Variants in ANKHD1 observed in about 807,000 individuals in gnomAD.
The protein encoded by ANKHD1 is ankyrin repeat and KH domain-containing protein 1.
ANKHD1 carries 31 observed loss-of-function variants against 230.5 expected under a neutral mutation model. That is an observed-to-expected ratio of 0.13 (90% confidence interval 0.10 to 0.18). The LOEUF (loss-of-function observed/expected upper bound fraction) is 0.18, where lower values mean the gene tolerates loss of function less well. Ranked by LOEUF, ANKHD1 falls within the 10% of genes least tolerant of loss-of-function variation. The pLI is 1.00. For synonymous variants in ANKHD1, 1,074 were observed against 1,117.6 expected, an observed-to-expected ratio of 0.96 and a Z score of 0.78; for missense variants, 2,256 against 3,071.3, an observed-to-expected ratio of 0.73 and a Z score of 6.27.
At chr5:140,470,967 AC>A (rs1204451190) in intron 10 of ANKHD1, among the ~76,000 whole-genome samples, 2 of 151,840 alleles carry the variant, frequency 1.3e-5, no homozygotes, top group Admixed American at 6.6e-5. Context: ...CTTCACTGTT[AC>A]TGCTCCCTTA....
Position 140,539,489 on chromosome 5 carries a change from T to G in ANKHD1, c.*71T>G. ...CTTGGAAGAACCATGGGGATTTTTT[T>G]TTAATGTGCCTAAGAAATTTTCTCT... is the stretch of plus-strand genomic sequence containing the variant. On this transcript the variant is annotated 3_prime_UTR_variant, in exon 34 of 34. Coordinates refer to ENST00000360839, the MANE Select transcript of ANKHD1 (RefSeq NM_017747.3). 6.6e-7 allele frequency: 1 copy of G among 1,520,778 alleles called. No homozygotes were observed. The highest frequency in any genetic ancestry group is 2.1e-5 in the Admixed American group (1 of 46,974). 94.2% of individuals were successfully genotyped at this position (1,520,778 alleles called of 1,614,324 possible). A position where few individuals can be genotyped will look rare whatever the true frequency, so the allele number is the denominator to read the frequency against.
intron 8 of ANKHD1, 31 bp from the exon 9 acceptor site, chr5:140,459,133 A>C: frequency 3.4e-6 from 5 of 1,477,340 alleles, no homozygotes; most frequent in Non-Finnish European, 4.5e-6. Context: ...GTCTCTTGCA[A>C]CTAATTTTAT....
chr5:140,455,467 A>G (rs962557084), intron 7 of ANKHD1, among the ~76,000 whole-genome samples: 2 of 152,234 alleles, frequency 1.3e-5, no homozygotes, highest in Admixed American at 6.5e-5. Flanking sequence ...AATCCTCAAT[A>G]AAATACTGGC....
intron 1 of ANKHD1, among the ~76,000 whole-genome samples, chr5:140,426,500 TTTTA>T (rs3084523): frequency 6.7e-4 from 102 of 151,796 alleles, no homozygotes; most frequent in East Asian, 5.8e-3. Context: ...CCTTGAACTT[TTTTA>T]TTTATTTATT....
At chr5:140,427,538 C>T (rs1374714160) in intron 1 of ANKHD1, among the ~76,000 whole-genome samples, 6 of 137,188 alleles carry the variant, frequency 4.4e-5, no homozygotes, top group South Asian at 2.3e-4. Flanking sequence ...GGCGGCTGGC[C>T]GGGCGGGGGG....
intron 7 of ANKHD1, among the ~76,000 whole-genome samples, chr5:140,454,121 T>G (rs1774968703): frequency 6.6e-6 from 1 of 152,110 alleles, no homozygotes; most frequent in Admixed American, 6.6e-5. Flanking sequence ...ACAAGGCCAT[T>G]ACATAATGGT....
chr5:140,458,911 T>C, intron 8 of ANKHD1, 49 bp downstream of exon 8: 1 of 1,493,234 alleles, frequency 6.7e-7, no homozygotes, highest in South Asian at 1.2e-5. Flanking sequence ...TTTGGATGTT[T>C]TGTGTTAGTA....
rs763427198 is a variant in ANKHD1, at chr5:140,505,175, A to G, written c.3204A>G (p.Glu1068=). 1 of 1,614,180 alleles carries G rather than the reference A, an allele frequency of 6.2e-7. No individual in the cohort carries two copies. Among genetic ancestry groups the G allele is most frequent in the Admixed American group, 1.7e-5 (1 of 60,022 alleles). The change falls in exon 17 of 34, where the codon GAA becomes GAG. Residue 1068 remains glutamate (E), a synonymous_variant. Transcript: ENST00000360839. The part of the protein sequence containing the change: ...ALTLACAGGH[E]ELVSVLIARD... ...CACTAGCTTGTGCAGGTGGTCATGA[A>G]GAACTTGTATCTGTGCTCATTGCAC...
intron 20 of ANKHD1, 119 bp from the exon 21 acceptor site, chr5:140,509,518 A>C: frequency 1.6e-6 from 2 of 1,233,592 alleles, no homozygotes; most frequent in Non-Finnish European, 2.1e-6. Context: ...TCAGAACTAG[A>C]ATTGTCTTAA....
intron 7 of ANKHD1, among the ~76,000 whole-genome samples, chr5:140,456,405 C>G (rs533028788): frequency 6.6e-6 from 1 of 152,306 alleles, no homozygotes; most frequent in South Asian, 2.1e-4. Context: ...ATTGCCAAGA[C>G]AATCCTAAGC....
chr5:140,410,563 A>G (rs1227984000), intron 1 of ANKHD1, among the ~76,000 whole-genome samples: 2 of 152,162 alleles, frequency 1.3e-5, no homozygotes, highest in Non-Finnish European at 2.9e-5. Flanking sequence ...TTTTTGGCCA[A>G]ATTTACTTTC....
chr5:140,499,904 A>G (rs1234611205), intron 15 of ANKHD1, among the ~76,000 whole-genome samples: 2 of 150,152 alleles, frequency 1.3e-5, no homozygotes, highest in Non-Finnish European at 3.0e-5. Context: ...AGTCTCACTC[A>G]GTCATCCGGG....
chr5:140,463,608 T>G (rs1287361511), intron 9 of ANKHD1, among the ~76,000 whole-genome samples: 2 of 152,132 alleles, frequency 1.3e-5, no homozygotes, highest in African/African-American at 4.8e-5. Flanking sequence ...CGAAGGATGC[T>G]AAGGGACCAC....
At chr5:140,532,221 A>G (rs1398574886) in intron 29 of ANKHD1, among the ~76,000 whole-genome samples, 2 of 152,032 alleles carry the variant, frequency 1.3e-5, no homozygotes, top group Non-Finnish European at 2.9e-5. Flanking sequence ...AAAAAAAAAA[A>G]AAGAAGTACT....
intron 10 of ANKHD1, chr5:140,472,201 G>C: frequency 6.3e-7 from 1 of 1,597,094 alleles, no homozygotes; most frequent in South Asian, 1.1e-5. Context: ...TTTCGTTTTT[G>C]GAATAAGATC....
In ANKHD1 at chr5:140,420,800, T is replaced by C. The variant is rs946271976; in HGVS notation, c.307-15304T>C. 2.0e-5 allele frequency among the ~76,000 whole-genome samples: 3 copies of C among 152,318 alleles called. No homozygotes were observed. The East Asian group carries it at 5.8e-4, about 29-fold the overall frequency. On this transcript the variant is annotated intron_variant, in intron 1 of 33. Coordinates refer to ENST00000360839, the MANE Select transcript of ANKHD1 (RefSeq NM_017747.3). Reference sequence around the variant, plus strand: ...ACTTTGTTATTTTTCATTGTTGTTTTGGTTATTCTGGGTTATTGGTTATTG... The same window carrying C: ...ACTTTGTTATTTTTCATTGTTGTTTCGGTTATTCTGGGTTATTGGTTATTG...
Position 140,497,004 on chromosome 5 carries a change from T to A in ANKHD1, c.2730T>A (p.Asp910Glu). 6.2e-7 allele frequency: 1 copy of A among 1,614,214 alleles called. No homozygotes were observed. Among genetic ancestry groups the A allele is most frequent in the Non-Finnish European group, 8.5e-7 (1 of 1,180,028 alleles). ...DTILFKDNDV[D>E]DEQQSPPSAE... ...TCTTATTTAAAGATAATGATGTTGA[T>A]GATGAGCAACAGTCTCCACCATCGG... Residue 910 changes from aspartate to glutamate, a missense_variant, in exon 15 of 34, where the codon GAT becomes GAA. Coordinates refer to ENST00000360839, the MANE Select transcript of ANKHD1 (RefSeq NM_017747.3).
chr5:140,430,720 A>G (rs1218428729), intron 1 of ANKHD1, among the ~76,000 whole-genome samples: 1 of 146,150 alleles, frequency 6.8e-6, no homozygotes, highest in Non-Finnish European at 1.5e-5. Flanking sequence ...GTGGAATGGC[A>G]TGATCATGGC....
At chr5:140,509,136 T>C (rs1281449104) in intron 20 of ANKHD1, among the ~76,000 whole-genome samples, 2 of 152,204 alleles carry the variant, frequency 1.3e-5, no homozygotes, top group Non-Finnish European at 2.9e-5. Flanking sequence ...TTTCCTGTCA[T>C]TCAATTTGTC....
Sources: allele counts gnomAD v4.1 joint callset (sites outside exome capture counted in the v4.1 genomes callset), GRCh38; gene constraint gnomAD v4.1.1; transcripts MANE v1.5; gene names NCBI Gene and HGNC (gene_info 2026-07-23, HGNC 2026-07-21).